Variants in SDR42E1 observed in about 807,000 individuals in gnomAD.
The protein encoded by SDR42E1 is short chain dehydrogenase/reductase family 42E, member 1, also known as short-chain dehydrogenase/reductase family 42E member 1.
In SDR42E1, 5 loss-of-function variants were observed where a neutral mutation model predicts 2.6. The observed-to-expected ratio is 1.94, with a 90% CI of 1.01 to 4.08. SDR42E1 has a LOEUF of 4.08. Ranked by LOEUF, SDR42E1 falls within the 30% of genes most tolerant of loss-of-function variation. SDR42E1 has a pLI of 0.00. For synonymous variants in SDR42E1, 231 were observed against 188.3 expected (o/e 1.23, Z -1.86); for missense variants, 596 against 478.6 (o/e 1.25, Z -2.29).
intron 2 of SDR42E1, chr16:82,000,513 GAAT>G (rs1266169441): frequency 1.4e-5 from 8 of 589,268 alleles, no homozygotes; most frequent in Non-Finnish European, 2.4e-5. Flanking sequence ...GAATATTTGT[GAAT>G]AATAAGATAA....
intron 1 of SDR42E1, chr16:82,007,585 A>C (rs1426318813): frequency 6.6e-6 from 1 of 152,258 alleles, no homozygotes; most frequent in Non-Finnish European, 1.5e-5. Context: ...AGTTCATCTT[A>C]ACGCAGCAGC....
intron 1 of SDR42E1, chr16:82,007,878 A>T (rs1453407672): frequency 6.6e-6 from 1 of 152,186 alleles, no homozygotes; most frequent in African/African-American, 2.4e-5. Context: ...CCTAAAATAA[A>T]AACAGCAACA....
At chr16:82,004,321 TG>T in intron 1 of SDR42E1, among the ~76,000 whole-genome samples, 1 of 151,866 alleles carries the variant, frequency 6.6e-6, no homozygotes, top group Non-Finnish European at 1.5e-5. Flanking sequence ...TTATCACAGG[TG>T]GGGGTGCACC....
Position 81,997,583 on chromosome 16 carries a change from A to G in SDR42E1, c.*1528T>C, listed in dbSNP as rs140622470. The G allele has an allele frequency of 7.2e-5, 11 of 152,344 alleles. No individual in the cohort carries two copies. The East Asian group carries it at 2.1e-3, about 29-fold the overall frequency. 9.4% of individuals were successfully genotyped at this position (152,344 alleles called of 1,614,324 possible). ...ATGCGTTAACCCCAGGCTAATGCAA[A>G]AGCTTCTTTATGACAGAAAAGACTC... On this transcript the variant is annotated 3_prime_UTR_variant, in exon 3 of 3. Coordinates refer to ENST00000328945, the MANE Select transcript of SDR42E1 (RefSeq NM_145168.3).
At position 82,000,805 on chromosome 16, in the gene SDR42E1, G is replaced by C. The variant is rs745679498; in HGVS notation, c.54C>G (p.Gly18=). ...GATACACTTACCGAAAACCAAAATA[G>C]CCACTTCCTCCTGTAATGAGGACAC... is the stretch of plus-strand genomic sequence containing the variant. ...KESVLITGGS[G]YFGFRLGCAL... Residue 18 remains glycine, a synonymous_variant, in exon 2 of 3, where the codon GGC becomes GGG. Coordinates refer to ENST00000328945, the MANE Select transcript of SDR42E1 (RefSeq NM_145168.3). 2 of 1,613,478 alleles carry C rather than the reference G, an allele frequency of 1.2e-6. No individual in the cohort carries two copies.
intron 1 of SDR42E1, among the ~76,000 whole-genome samples, chr16:82,007,105 C>A (rs1014542568): frequency 1.3e-5 from 2 of 152,224 alleles, no homozygotes; most frequent in South Asian, 2.1e-4. Context: ...GTTTCCCAAG[C>A]TACAGTATAA....
chr16:82,010,019 C>T (rs1913074744), intron 1 of SDR42E1, among the ~76,000 whole-genome samples: 1 of 152,216 alleles, frequency 6.6e-6, no homozygotes, highest in Non-Finnish European at 1.5e-5. Flanking sequence ...GCTCTCTTGC[C>T]TGCCACCATA....
Position 81,990,361 on chromosome 16 carries a change from T to G in SDR42E1, c.*8750A>C, listed in dbSNP as rs1337444396. On this transcript the variant is annotated 3_prime_UTR_variant, in exon 3 of 3. Coordinates refer to ENST00000328945, the MANE Select transcript of SDR42E1 (RefSeq NM_145168.3). ...TACCTGTTATATGGCAGGAAATCAA[T>G]GAAACATTTTCACTGAACCATCTCT... 1.3e-5 allele frequency: 2 copies of G among 152,184 alleles called. No individual in the cohort carries two copies. Among genetic ancestry groups the G allele is most frequent in the Non-Finnish European group, 2.9e-5 (2 of 68,040 alleles). The allele number at this position is 152,184 out of a possible 1,614,324, so 9.4% of individuals were successfully genotyped here. A position where few individuals can be genotyped will look rare whatever the true frequency, so the allele number is the denominator to read the frequency against.
At chr16:82,008,005 C>G (rs538221298) in intron 1 of SDR42E1, 79 of 152,224 alleles carry the variant, frequency 5.2e-4, no homozygotes, top group African/African-American at 1.8e-3. Context: ...CCTGGAGGGA[C>G]CCGGTAGGAG....
chr16:82,010,155 T>C (rs1913079109), intron 1 of SDR42E1, among the ~76,000 whole-genome samples: 2 of 152,252 alleles, frequency 1.3e-5, no homozygotes, highest in South Asian at 2.1e-4. Context: ...CTTGGGTATG[T>C]TTTTATTAGC....
At chr16:82,005,917 G>A (rs1357378085) in intron 1 of SDR42E1, among the ~76,000 whole-genome samples, 2 of 152,066 alleles carry the variant, frequency 1.3e-5, no homozygotes, top group Non-Finnish European at 2.9e-5. Context: ...GTAAAGCGAG[G>A]GTAATAAAGT....
At position 81,999,754 on chromosome 16, in the gene SDR42E1, G is replaced by C. The variant is rs1912679960; in HGVS notation, c.539C>G (p.Thr180Ser). The C allele has an allele frequency of 2.5e-6, 4 of 1,614,082 alleles. No homozygotes were observed. The African/African-American group carries it at 5.3e-5, about 22-fold the overall frequency. The change falls in exon 3 of 3, where the codon ACC (threonine) becomes AGC (serine). Residue 180 changes from threonine to serine, a missense_variant. Transcript: ENST00000328945. Reference protein sequence around the residue: ...PLDRGDGVLRTCALRPAGIYG... With the variant: ...PLDRGDGVLRSCALRPAGIYG... ...GATGCCAGCTGGCCTCAGAGCGCAG[G>C]TTCTTAAGACACCGTCGCCTCTGTC...
At chr16:82,006,003 T>C (rs1912920885) in intron 1 of SDR42E1, among the ~76,000 whole-genome samples, 1 of 152,194 alleles carries the variant, frequency 6.6e-6, no homozygotes, top group Non-Finnish European at 1.5e-5. Context: ...AAAGACCTAA[T>C]TAAATGCTAA....
chr16:81,999,854 G>A lies in SDR42E1; in HGVS notation c.439C>T (p.Leu147Phe). 6.2e-7 allele frequency: 1 copy of A among 1,614,180 alleles called. No individual in the cohort carries two copies. The highest frequency in any genetic ancestry group is 2.2e-5 in the East Asian group (1 of 44,882). Residue 147 changes from leucine (L) to phenylalanine (F), a missense_variant, in exon 3 of 3, where the codon CTC becomes TTC. By Grantham distance (22) the Leu-to-Phe change is conservative. Transcript: ENST00000328945. ...DESLPYLPLH[L>F]HPDHYSRTKS... ...GTCCGAGAGTAGTGATCAGGGTGGA[G>A]GTGAAGAGGCAGGTAGGGCAGAGAT...
At position 81,996,728 on chromosome 16, in the gene SDR42E1, G is replaced by GA. The variant is rs1912549078; in HGVS notation, c.*2382dup. 1 of 152,168 alleles carries GA rather than the reference G, an allele frequency of 6.6e-6. No homozygotes were observed. Among genetic ancestry groups the GA allele is most frequent in the Non-Finnish European group, 1.5e-5 (1 of 68,036 alleles). The allele number at this position is 152,168 out of a possible 1,614,324, so 9.4% of individuals were successfully genotyped here. ...AACAGGGCCAAGGAATGAGCACTGA[G>GA]AAAATCTACCATTTCAAGCTGGAGT... On this transcript the variant is annotated 3_prime_UTR_variant, in exon 3 of 3. Transcript: ENST00000328945.
intron 1 of SDR42E1, among the ~76,000 whole-genome samples, chr16:82,005,092 A>G (rs768220641): frequency 2.2e-4 from 34 of 152,394 alleles, no homozygotes; most frequent in Non-Finnish European, 4.7e-4. Flanking sequence ...AAGCCCAATT[A>G]AAACATTCCA....
intron 1 of SDR42E1, 84 bp from the exon 2 acceptor site, chr16:82,000,968 T>C (rs1912739045): frequency 1.2e-6 from 1 of 840,116 alleles, no homozygotes; most frequent in Non-Finnish European, 1.9e-6. Context: ...AAACAAAAAG[T>C]CAATACGCTG....
chr16:82,003,660 G>T (rs1470357533), intron 1 of SDR42E1, among the ~76,000 whole-genome samples: 2 of 152,198 alleles, frequency 1.3e-5, no homozygotes, highest in Admixed American at 6.5e-5. Flanking sequence ...TCTTCAGAGA[G>T]ACTTCTCTGA....
chr16:81,999,003 T>A lies in SDR42E1; in HGVS notation c.*108A>T, dbSNP rs1912628563. On this transcript the variant is annotated 3_prime_UTR_variant, in exon 3 of 3. Transcript: ENST00000328945. ...CCAAGAACCTATTCTTAAGTAGCAA[T>A]TTGAAGAGCCAATGTTTGGCACCAG... 1 of 1,189,902 alleles carries A rather than the reference T, an allele frequency of 8.4e-7. No homozygotes were observed. Among genetic ancestry groups the A allele is most frequent in the Non-Finnish European group, 1.2e-6 (1 of 857,780 alleles). The allele number at this position is 1,189,902 out of a possible 1,614,324, so 73.7% of individuals were successfully genotyped here. A position where few individuals can be genotyped will look rare whatever the true frequency, so the allele number is the denominator to read the frequency against.
Sources: gnomAD v4.1 joint callset for allele counts (sites outside exome capture counted in the v4.1 genomes callset) on GRCh38, gnomAD v4.1.1 for gene constraint, MANE v1.5 for transcripts, NCBI Gene and HGNC (gene_info 2026-07-23, HGNC 2026-07-21) for gene names.